The following SIDT1 variants were observed in gnomAD, a reference collection of about 807,000 sequenced individuals.
SIDT1 encodes the protein SID1 transmembrane family, member 1.
A neutral mutation model predicts 107.5 loss-of-function variants in SIDT1; 101 were observed. The observed-to-expected ratio is 0.94, with a 90% CI of 0.80 to 1.11. The LOEUF (loss-of-function observed/expected upper bound fraction) is 1.11, where lower values mean the gene tolerates loss of function less well. Ranked by LOEUF, SIDT1 falls within the 50% of genes least tolerant of loss-of-function variation. The pLI, the probability that SIDT1 is intolerant of heterozygous loss-of-function variation, is 0.00. For missense variants in SIDT1, 1,076 were observed against 1,058.2 expected, an observed-to-expected ratio of 1.02 and a Z score of -0.23; for synonymous variants, 395 against 398.2, an observed-to-expected ratio of 0.99 and a Z score of 0.10.
At chr3:113,583,351 C>A in intron 6 of SIDT1, 58 bp from the exon 7 acceptor site, 1 of 1,330,458 alleles carries the variant, frequency 7.5e-7, no homozygotes, top group Non-Finnish European at 1.1e-6. Flanking sequence ...CCCCCAGGGA[C>A]TTTCTCCCTT....
At chr3:113,627,537 A>G (rs1344634397) in intron 24 of SIDT1, 109 bp from the exon 25 acceptor site, 1 of 970,328 alleles carries the variant, frequency 1.0e-6, no homozygotes, top group East Asian at 2.4e-5. Context: ...AGGCATGAGA[A>G]TGAGAGGGAA....
intron 10 of SIDT1, among the ~76,000 whole-genome samples, chr3:113,595,306 C>T (rs73224623): frequency 0.019 from 2,865 of 152,208 alleles, 42 homozygotes; most frequent in Middle Eastern, 0.041. Context: ...GGTGCAGTTG[C>T]TCATGCCTGT....
chr3:113,534,334 G>A (rs994036993), intron 1 of SIDT1, among the ~76,000 whole-genome samples: 2 of 152,166 alleles, frequency 1.3e-5, no homozygotes, highest in Non-Finnish European at 2.9e-5. Context: ...GGGGACCAAT[G>A]TGCCTAACAC....
chr3:113,533,595 C>G (rs1002407733), intron 1 of SIDT1, among the ~76,000 whole-genome samples: 8 of 152,172 alleles, frequency 5.3e-5, no homozygotes, highest in Non-Finnish European at 7.4e-5. Flanking sequence ...GAAGAAGAAC[C>G]GCACCTCGGT....
chr3:113,576,963 C>G lies in SIDT1; in HGVS notation c.557C>G (p.Pro186Arg). The change falls in exon 4 of 25, where the codon CCT becomes CGT. Residue 186 changes from proline (P) to arginine (R), a missense_variant. Pro to Arg is a moderately radical substitution (Grantham distance 103). Transcript: ENST00000264852. Reference sequence around the variant, plus strand: ...CACTTTACTGCCAGCCCCTCTCAACCTCAGGTAAGTGAAGGGGTTCCAAGA... The same window carrying G: ...CACTTTACTGCCAGCCCCTCTCAACGTCAGGTAAGTGAAGGGGTTCCAAGA... The part of the protein sequence containing the change: ...AFHFTASPSQ[P>R]QYFLYKFPKD... 6.2e-7 allele frequency: 1 copy of G among 1,614,164 alleles called. No individual in the cohort carries two copies. Among genetic ancestry groups the G allele is most frequent in the Non-Finnish European group, 8.5e-7 (1 of 1,179,980 alleles).
downstream of SIDT1, among the ~76,000 whole-genome samples, chr3:113,633,510 G>A (rs1947106433): frequency 1.3e-5 from 2 of 152,152 alleles, no homozygotes. Flanking sequence ...AGTCTAAGGG[G>A]GAAGGGAACA....
chr3:113,563,644 T>A (rs1941638901), intron 1 of SIDT1, among the ~76,000 whole-genome samples: 1 of 152,140 alleles, frequency 6.6e-6, no homozygotes, highest in South Asian at 2.1e-4. Flanking sequence ...CAAACAAGTG[T>A]TCCCAAAAAG....
At chr3:113,568,621 GAAAAGAAAAA>G (rs1281745361) in intron 3 of SIDT1, among the ~76,000 whole-genome samples, 2 of 149,754 alleles carry the variant, frequency 1.3e-5, no homozygotes, top group African/African-American at 4.9e-5. Context: ...GAAAAGAAAA[GAAAAGAAAAA>G]AAACAGAAAT....
At chr3:113,612,684 G>A (rs1945840574) in intron 19 of SIDT1, among the ~76,000 whole-genome samples, 1 of 152,204 alleles carries the variant, frequency 6.6e-6, no homozygotes, top group African/African-American at 2.4e-5. Context: ...CACCTGCTGA[G>A]CTCCCTCCAA....
downstream of SIDT1, among the ~76,000 whole-genome samples, chr3:113,634,543 C>G (rs373576041): frequency 4.9e-4 from 74 of 152,256 alleles, 1 homozygote; most frequent in South Asian, 0.015. Flanking sequence ...CACCTATAAT[C>G]CCAGTACTTT....
intron 4 of SIDT1, among the ~76,000 whole-genome samples, chr3:113,577,564 T>G (rs1943000915): frequency 6.6e-6 from 1 of 152,202 alleles, no homozygotes; most frequent in South Asian, 2.1e-4. Context: ...TAACCACAAA[T>G]AGAATAAATA....
At chr3:113,593,198 G>A in intron 10 of SIDT1, 150 bp downstream of exon 10, 3 of 748,228 alleles carry the variant, frequency 4.0e-6, no homozygotes, top group Non-Finnish European at 4.8e-6. Context: ...CAGTTGGAAA[G>A]CAAAGCTAGT....
chr3:113,615,425 T>C (rs1946034504), intron 19 of SIDT1, among the ~76,000 whole-genome samples: 1 of 152,170 alleles, frequency 6.6e-6, no homozygotes, highest in African/African-American at 2.4e-5. Context: ...TGTGGACAGC[T>C]CACAGAAACA....
rs534742061 is a variant in SIDT1 at position 113,584,628 on chromosome 3, G to T, written c.836-70G>T. 71 of 1,074,322 alleles carry T rather than the reference G, an allele frequency of 6.6e-5. 1 individual carries two copies. In the East Asian group the frequency reaches 1.5e-3, roughly 23 times the overall value. 66.5% of individuals were successfully genotyped at this position (1,074,322 alleles called of 1,614,324 possible). On this transcript the variant is annotated intron_variant, in intron 7 of 24. Coordinates refer to ENST00000264852, the MANE Select transcript of SIDT1 (RefSeq NM_017699.3). Reference sequence around the variant, plus strand: ...TGGACATTTTTTGAACAACAGTTCAGACAAGAGACCAAAAAAAATCATTAT... The same window carrying T: ...TGGACATTTTTTGAACAACAGTTCATACAAGAGACCAAAAAAAATCATTAT...
chr3:113,595,843 C>T (rs967914950), intron 10 of SIDT1, among the ~76,000 whole-genome samples: 1 of 152,066 alleles, frequency 6.6e-6, no homozygotes. Flanking sequence ...GAGTCAAGAC[C>T]TAGATGCTTA....
Position 113,540,004 on chromosome 3 carries a change from C to CA in SIDT1, c.222+6779dup, listed in dbSNP as rs573816383. Among the ~76,000 whole-genome samples the CA allele has an allele frequency of 6.4e-3, 562 of 87,214 alleles. 5 individuals carry two copies. The highest frequency in any genetic ancestry group is 0.027 in the South Asian group (68 of 2,504). 57.2% of individuals were successfully genotyped at this position (87,214 alleles called of 152,430 possible). ...GGACAACAACAGTGAAACTCCGTCT[C>CA]AAAAAAAAAAAAAAAAAAGTGCTGG... On this transcript the variant is annotated intron_variant, in intron 1 of 24. Coordinates refer to ENST00000264852, the MANE Select transcript of SIDT1 (RefSeq NM_017699.3).
rs554009768 is a variant in SIDT1, at chr3:113,545,114, T to TAAAAAAA, written c.222+11892_222+11898dup. ...CGGGCGACAGAGCGAGAGACTCTGT[T>TAAAAAAA]AAAAAAAAAAAAAAAAAAAAAAAAA... On this transcript the variant is annotated intron_variant, in intron 1 of 24. Coordinates refer to ENST00000264852, the MANE Select transcript of SIDT1 (RefSeq NM_017699.3). 1.1e-3 allele frequency among the ~76,000 whole-genome samples: 85 copies of TAAAAAAA among 73,968 alleles called. 3 individuals are homozygous for TAAAAAAA. Among genetic ancestry groups the TAAAAAAA allele is most frequent in the African/African-American group, 4.7e-3 (81 of 17,202 alleles). The allele number at this position is 73,968 out of a possible 152,430, so 48.5% of individuals were successfully genotyped here. A position where few individuals can be genotyped will look rare whatever the true frequency, so the allele number is the denominator to read the frequency against.
At chr3:113,567,820 C>T (rs1942061753) in intron 3 of SIDT1, 110 bp downstream of exon 3, 1 of 1,168,068 alleles carries the variant, frequency 8.6e-7, no homozygotes, top group African/African-American at 1.5e-5. Flanking sequence ...ATCCACTTAG[C>T]ATATGATTTT....
intron 7 of SIDT1, among the ~76,000 whole-genome samples, chr3:113,583,829 G>C (rs1037693360): frequency 1.3e-5 from 2 of 152,156 alleles, no homozygotes; most frequent in African/African-American, 4.8e-5. Context: ...AGCGATCAAA[G>C]TCCATTTCTT....
Sources: gnomAD v4.1 joint callset for allele counts (sites outside exome capture counted in the v4.1 genomes callset) on GRCh38, gnomAD v4.1.1 for gene constraint, MANE v1.5 for transcripts, NCBI Gene and HGNC (gene_info 2026-07-23, HGNC 2026-07-21) for gene names.